IKBKB: variants seen among roughly 807,000 people sequenced by gnomAD.
The protein encoded by IKBKB is inhibitor of nuclear factor kappa B kinase subunit beta.
In IKBKB, 42 loss-of-function variants were observed where a neutral mutation model predicts 113.6. The observed-to-expected ratio is 0.37, with a 90% CI of 0.29 to 0.48. The LOEUF (loss-of-function observed/expected upper bound fraction) is 0.48. IKBKB is among the 20% of genes least tolerant of loss of function. IKBKB has a pLI of 0.99. For missense variants in IKBKB, 673 were observed against 939.7 expected (o/e 0.72, Z 3.71); for synonymous variants, 296 against 361.3 (o/e 0.82, Z 2.05).
At position 42,331,101 on chromosome 8, in the gene IKBKB, G is replaced by A. The variant is rs200818066; in HGVS notation, c.*122G>A. On this transcript the variant is annotated 3_prime_UTR_variant, in exon 22 of 22. Transcript: ENST00000520810. ...CCGCGTGACGTGGGGCTGCCTGGCC[G>A]CGGCTCTCACATGGTGGTTCCTGCT... 4.6e-5 allele frequency: 68 copies of A among 1,466,582 alleles called. No individual in the cohort carries two copies. Among genetic ancestry groups the A allele is most frequent in the South Asian group, 5.9e-5 (5 of 84,684 alleles). The allele number at this position is 1,466,582 out of a possible 1,614,324, so 90.8% of individuals were successfully genotyped here. A position where few individuals can be genotyped will look rare whatever the true frequency, so the allele number is the denominator to read the frequency against.
intron 11 of IKBKB, 124 bp downstream of exon 11, chr8:42,317,028 C>A: frequency 1.0e-6 from 1 of 958,608 alleles, no homozygotes; most frequent in Non-Finnish European, 1.6e-6. Flanking sequence ...GTGCGGATAC[C>A]TGGCTGGTTT....
At chr8:42,285,357 G>A (rs1200485630) in intron 2 of IKBKB, among the ~76,000 whole-genome samples, 2 of 151,656 alleles carry the variant, frequency 1.3e-5, no homozygotes, top group Non-Finnish European at 2.9e-5. Flanking sequence ...ACCAGCCTGG[G>A]CAACATAGTG....
At chr8:42,305,161 G>GA in intron 5 of IKBKB, 26 bp from the exon 6 acceptor site, 1 of 1,559,560 alleles carries the variant, frequency 6.4e-7, no homozygotes, top group African/African-American at 1.4e-5. Flanking sequence ...TTAGGCCTAA[G>GA]AAAAACTCAC....
intron 2 of IKBKB, among the ~76,000 whole-genome samples, chr8:42,273,323 G>C (rs1210378943): frequency 2.0e-4 from 31 of 151,816 alleles, no homozygotes; most frequent in Admixed American, 2.0e-3. Flanking sequence ...GCTGAGGCAG[G>C]AGAATCGCTT....
intron 5 of IKBKB, among the ~76,000 whole-genome samples, chr8:42,301,599 CT>C (rs1280724166): frequency 6.6e-6 from 1 of 152,176 alleles, no homozygotes; most frequent in Admixed American, 6.5e-5. Flanking sequence ...TTCTTTAAAT[CT>C]GGACTTTATT....
intron 8 of IKBKB, among the ~76,000 whole-genome samples, chr8:42,311,421 C>T (rs570926287): frequency 2.0e-5 from 3 of 152,104 alleles, no homozygotes; most frequent in Admixed American, 6.5e-5. Context: ...ATTAGCTGGG[C>T]ATGGTGGCAC....
chr8:42,272,485 A>G, intron 2 of IKBKB: 1 of 530,980 alleles, frequency 1.9e-6, no homozygotes, highest in East Asian at 3.0e-5. Flanking sequence ...ATCATGTACT[A>G]ATATATACTG....
At chr8:42,284,679 G>A (rs1262872600) in intron 2 of IKBKB, among the ~76,000 whole-genome samples, 2 of 151,894 alleles carry the variant, frequency 1.3e-5, no homozygotes, top group Non-Finnish European at 2.9e-5. Context: ...AGCAGATATC[G>A]TCAGGCAGAG....
chr8:42,286,343 C>T (rs1182658636), intron 2 of IKBKB, among the ~76,000 whole-genome samples: 2 of 152,090 alleles, frequency 1.3e-5, no homozygotes, highest in Non-Finnish European at 2.9e-5. Flanking sequence ...TGGAGGTTTC[C>T]ATTTTTCCTT....
At chr8:42,329,021 T>C in intron 20 of IKBKB, 103 bp from the exon 21 acceptor site, 1 of 870,920 alleles carries the variant, frequency 1.1e-6, no homozygotes, top group South Asian at 1.6e-5. Flanking sequence ...TGTTACTTCA[T>C]TTAAAAAGTA....
At chr8:42,278,509 C>T (rs1809663134) in intron 2 of IKBKB, among the ~76,000 whole-genome samples, 1 of 152,124 alleles carries the variant, frequency 6.6e-6, no homozygotes, top group South Asian at 2.1e-4. Flanking sequence ...CATGGAGTAG[C>T]TACTCCCACC....
intron 1 of IKBKB, chr8:42,271,747 C>A: frequency 2.0e-6 from 1 of 505,274 alleles, no homozygotes; most frequent in Non-Finnish European, 3.5e-6. Flanking sequence ...GGTTCTGCCC[C>A]TGCCACCTCG....
At chr8:42,295,919 G>A (rs1188671318) in intron 5 of IKBKB, among the ~76,000 whole-genome samples, 1 of 152,116 alleles carries the variant, frequency 6.6e-6, no homozygotes, top group Non-Finnish European at 1.5e-5. Flanking sequence ...CAAATTGTGT[G>A]CATGTATGTA....
chr8:42,277,974 G>A (rs1809524211), intron 2 of IKBKB, among the ~76,000 whole-genome samples: 1 of 152,234 alleles, frequency 6.6e-6, no homozygotes, highest in Non-Finnish European at 1.5e-5. Flanking sequence ...CTTTGGAGAA[G>A]GGAAGGAGCC....
intron 9 of IKBKB, 130 bp downstream of exon 9, chr8:42,314,559 G>C: frequency 3.0e-6 from 2 of 667,222 alleles, no homozygotes. Context: ...TGGATCACCT[G>C]AGGTCAGGAG....
rs201052871 is a variant in IKBKB, at chr8:42,314,347, G to A, written c.718G>A (p.Glu240Lys). ...QWHSKVRQKSEVDIVVSEDLN... is the reference protein window; with the variant it reads ...QWHSKVRQKSKVDIVVSEDLN... ...GCATTCAAAAGTGCGGCAGAAGAGTGAGGTGGACATTGTTGTTAGCGAAGA... is the reference window on the plus strand; with the variant it reads ...GCATTCAAAAGTGCGGCAGAAGAGTAAGGTGGACATTGTTGTTAGCGAAGA... The change falls in exon 9 of 22, where the codon GAG (glutamate) becomes AAG (lysine). Residue 240 changes from glutamate to lysine, a missense_variant. By Grantham distance (56) the Glu-to-Lys change is moderately conservative (BLOSUM62 1). This residue lies in a region of IKBKB where 506 missense variants were observed against 638.7 expected (regional missense o/e 0.79). Coordinates refer to ENST00000520810, the MANE Select transcript of IKBKB (RefSeq NM_001556.3). 105 of 1,613,856 alleles carry A rather than the reference G, an allele frequency of 6.5e-5. No homozygotes were observed. The highest frequency in any genetic ancestry group is 7.5e-5 in the Non-Finnish European group (89 of 1,179,820).
intron 2 of IKBKB, among the ~76,000 whole-genome samples, chr8:42,284,690 C>G (rs1811053306): frequency 6.6e-6 from 1 of 151,948 alleles, no homozygotes; most frequent in South Asian, 2.1e-4. Context: ...TCAGGCAGAG[C>G]TGCTGTGGAT....
rs193292668 is a variant in IKBKB at position 42,273,302 on chromosome 8, C to A, written c.105+1097C>A. 5.6e-3 allele frequency among the ~76,000 whole-genome samples: 845 copies of A among 151,782 alleles called. 5 individuals carry two copies. The highest frequency in any genetic ancestry group is 0.019 in the African/African-American group (792 of 41,354). On this transcript the variant is annotated intron_variant, in intron 2 of 21. Transcript: ENST00000520810. Reference sequence around the variant, plus strand: ...TGGTGGTGCATGCCTGTAACTTCAGCTACTCAGGAGGCTGAGGCAGGAGAA... The same window carrying A: ...TGGTGGTGCATGCCTGTAACTTCAGATACTCAGGAGGCTGAGGCAGGAGAA...
Position 42,319,433 on chromosome 8 carries a change from C to T in IKBKB, c.1516+12C>T, listed in dbSNP as rs966932617. ...CGAGTTTGGGATCAGTGAGTGTGCACTTTGCAATGAGTTTAAAGACACCAT... is the reference window on the plus strand; with the variant it reads ...CGAGTTTGGGATCAGTGAGTGTGCATTTTGCAATGAGTTTAAAGACACCAT... On this transcript the variant is annotated intron_variant, in intron 14 of 21. Coordinates refer to ENST00000520810, the MANE Select transcript of IKBKB (RefSeq NM_001556.3). 1.5e-5 allele frequency: 24 copies of T among 1,613,922 alleles called. No homozygotes were observed. The highest frequency in any genetic ancestry group is 1.9e-5 in the Non-Finnish European group (23 of 1,179,920).
Sources: allele counts gnomAD v4.1 joint callset (sites outside exome capture counted in the v4.1 genomes callset), GRCh38; gene constraint gnomAD v4.1.1; regional missense constraint gnomAD v4.1.1; transcripts MANE v1.5; gene names NCBI Gene and HGNC (gene_info 2026-07-23, HGNC 2026-07-21).